Variants in PRKCE observed in about 807,000 individuals in gnomAD.
PRKCE encodes the protein protein kinase C epsilon.
A neutral mutation model predicts 85.4 loss-of-function variants in PRKCE; 16 were observed. That is an observed-to-expected ratio of 0.19 (90% CI 0.13 to 0.28). PRKCE has a LOEUF of 0.28. Ranked by LOEUF, PRKCE falls within the 10% of genes least tolerant of loss-of-function variation. The probability of loss-of-function intolerance (pLI) is 1.00; values close to 1 mark genes in which losing one functional copy is unlikely to be tolerated. For synonymous variants in PRKCE, 388 were observed against 371.5 expected (o/e 1.04, Z -0.51); for missense variants, 573 against 975.2 (o/e 0.59, Z 5.49).
chr2:46,119,564 A>G (rs1320904489), intron 11 of PRKCE, among the ~76,000 whole-genome samples: 2 of 152,342 alleles, frequency 1.3e-5, no homozygotes, highest in African/African-American at 4.8e-5. Flanking sequence ...AACAGGATAA[A>G]TTGAGTTTTT....
intron 1 of PRKCE, among the ~76,000 whole-genome samples, chr2:45,798,072 C>T (rs1050961024): frequency 2.0e-5 from 3 of 152,244 alleles, no homozygotes; most frequent in South Asian, 2.1e-4. Flanking sequence ...CTTGGCGTGT[C>T]GGGTAGAGAG....
chr2:45,735,082 G>A (rs1259375205), intron 1 of PRKCE, among the ~76,000 whole-genome samples: 1 of 152,182 alleles, frequency 6.6e-6, no homozygotes, highest in Non-Finnish European at 1.5e-5. Context: ...GAGTCACTGG[G>A]CCAGGCCAGC....
chr2:46,182,859 T>C (rs775010019), intron 14 of PRKCE, among the ~76,000 whole-genome samples: 2 of 152,206 alleles, frequency 1.3e-5, no homozygotes, highest in Non-Finnish European at 2.9e-5. Flanking sequence ...AAATGTCTCC[T>C]GGTTGAACTT....
chr2:45,813,526 C>T (rs1039922926), intron 1 of PRKCE, among the ~76,000 whole-genome samples: 2 of 152,142 alleles, frequency 1.3e-5, no homozygotes, highest in Admixed American at 6.5e-5. Flanking sequence ...TGGCAGACAC[C>T]ATGTGGGACA....
At chr2:45,830,374 GA>G (rs1409649884) in intron 1 of PRKCE, among the ~76,000 whole-genome samples, 1 of 152,086 alleles carries the variant, frequency 6.6e-6, no homozygotes, top group Non-Finnish European at 1.5e-5. Flanking sequence ...GAATAAATAG[GA>G]AGGCATTTCT....
chr2:46,131,925 C>A lies in PRKCE; in HGVS notation c.1593-13168C>A, dbSNP rs553286624. ...ACTGGGCAGACCCTGATACACAATG[C>A]CTCTATTAGTCTGGAAAGTCTTTTC... is the stretch of plus-strand genomic sequence containing the variant. On this transcript the variant is annotated intron_variant, in intron 11 of 14. Transcript: ENST00000306156. Among the ~76,000 whole-genome samples, 7 of 152,206 alleles carry A rather than the reference C, an allele frequency of 4.6e-5. No homozygotes were observed. In the South Asian group the frequency reaches 1.5e-3, roughly 32 times the overall value.
chr2:45,849,690 C>A (rs1031911080), intron 2 of PRKCE, among the ~76,000 whole-genome samples: 2 of 152,114 alleles, frequency 1.3e-5, no homozygotes, highest in Non-Finnish European at 2.9e-5. Context: ...CATGTCAAAT[C>A]CCCTGGCAGT....
chr2:45,794,854 C>CCCG (rs1687306853), intron 1 of PRKCE, among the ~76,000 whole-genome samples: 1 of 151,308 alleles, frequency 6.6e-6, no homozygotes, highest in Non-Finnish European at 1.5e-5. Flanking sequence ...TACCCCCCCC[C>CCCG]CCATCCACCA....
intron 1 of PRKCE, among the ~76,000 whole-genome samples, chr2:45,811,325 C>T (rs1688638469): frequency 6.6e-6 from 1 of 152,122 alleles, no homozygotes; most frequent in South Asian, 2.1e-4. Context: ...GAGGCAGCTG[C>T]CTAAGTACTG....
chr2:46,033,922 T>C (rs1401506459), intron 10 of PRKCE, among the ~76,000 whole-genome samples: 3 of 152,042 alleles, frequency 2.0e-5, no homozygotes, highest in African/African-American at 7.2e-5. Context: ...GGGTCACCAG[T>C]GTGAGGACAA....
intron 11 of PRKCE, among the ~76,000 whole-genome samples, chr2:46,101,845 G>C (rs1465300531): frequency 1.8e-5 from 2 of 113,018 alleles, no homozygotes; most frequent in Admixed American, 2.3e-4. Flanking sequence ...GGTGTATGCT[G>C]ATAAACTGGC....
At chr2:46,011,147 A>G (rs555236007) in intron 10 of PRKCE, among the ~76,000 whole-genome samples, 3 of 152,360 alleles carry the variant, frequency 2.0e-5, no homozygotes, top group African/African-American at 4.8e-5. Context: ...AATGTTCTTC[A>G]TGAAGCTCTA....
At chr2:45,678,998 A>G (rs1676682658) in intron 1 of PRKCE, among the ~76,000 whole-genome samples, 1 of 152,198 alleles carries the variant, frequency 6.6e-6, no homozygotes, top group Non-Finnish European at 1.5e-5. Flanking sequence ...TTGATTTTGA[A>G]AGACAAAACA....
Position 45,786,791 on chromosome 2 carries a change from A to G in PRKCE, c.349-56209A>G, listed in dbSNP as rs976468010. 6.6e-6 allele frequency among the ~76,000 whole-genome samples: 1 copy of G among 152,182 alleles called. No homozygotes were observed. Among genetic ancestry groups the G allele is most frequent in the Non-Finnish European group, 1.5e-5 (1 of 68,028 alleles). On this transcript the variant is annotated intron_variant, in intron 1 of 14. Transcript: ENST00000306156. The surrounding 1 kb of genome is among the most constrained non-coding windows in gnomAD (Gnocchi z 5.3). ...CCTCCAACAGTTCAGTGAGGTAACC[A>G]CTACCCTCACCCCCGTTTTACAGAG... is the stretch of plus-strand genomic sequence containing the variant.
chr2:45,957,124 G>A (rs1233555079), intron 2 of PRKCE, among the ~76,000 whole-genome samples: 1 of 152,182 alleles, frequency 6.6e-6, no homozygotes, highest in Admixed American at 6.5e-5. Flanking sequence ...AAACAGCAGA[G>A]GTTATTAATT....
intron 1 of PRKCE, 145 bp from the exon 2 acceptor site, chr2:45,842,855 C>T: frequency 1.3e-6 from 1 of 763,824 alleles, no homozygotes; most frequent in Non-Finnish European, 2.3e-6. Flanking sequence ...GTCTGCATCT[C>T]ACCTAGCACT....
chr2:45,684,993 G>A lies in PRKCE; in HGVS notation c.348+32545G>A, dbSNP rs559763464. Among the ~76,000 whole-genome samples the A allele has an allele frequency of 6.8e-4, 104 of 152,346 alleles. 3 individuals are homozygous for A. In the South Asian group the frequency reaches 0.02, roughly 30 times the overall value. On this transcript the variant is annotated intron_variant, in intron 1 of 14. Transcript: ENST00000306156. ...CCCTGGCTTTGGCACTGGTTAGAAA[G>A]TCTGTTCCTGGCTTTTTCCTCATGG...
chr2:45,676,338 G>T (rs558765892), intron 1 of PRKCE, among the ~76,000 whole-genome samples: 69 of 152,346 alleles, frequency 4.5e-4, no homozygotes, highest in African/African-American at 1.6e-3. Flanking sequence ...TGATTGAAGT[G>T]TTGCTGTGCA....
chr2:45,882,150 C>T (rs1694935925), intron 2 of PRKCE, among the ~76,000 whole-genome samples: 1 of 152,144 alleles, frequency 6.6e-6, no homozygotes, highest in African/African-American at 2.4e-5. Flanking sequence ...ACATGTTTTC[C>T]TTCCGATATC....
Sources: gnomAD v4.1 joint callset for allele counts (sites outside exome capture counted in the v4.1 genomes callset) on GRCh38, gnomAD v4.1.1 for gene constraint, Gnocchi (gnomAD v3.1) non-coding constraint, MANE v1.5 for transcripts, NCBI Gene and HGNC (gene_info 2026-07-23, HGNC 2026-07-21) for gene names.